ILDR2: variants seen among roughly 807,000 people sequenced by gnomAD.
The protein encoded by ILDR2 is immunoglobulin like domain containing receptor 2, also known as immunoglobulin-like domain-containing receptor 2.
A neutral mutation model predicts 66.8 loss-of-function variants in ILDR2; 25 were observed. That is an observed-to-expected ratio of 0.37 (90% CI 0.27 to 0.52). ILDR2 has a LOEUF of 0.52. Among genes scored for constraint, ILDR2 ranks in the 20% least tolerant of loss-of-function variants. The probability of loss-of-function intolerance (pLI) is 0.88; values close to 1 mark genes in which losing one functional copy is unlikely to be tolerated. For synonymous variants in ILDR2, 367 were observed against 357.2 expected, an observed-to-expected ratio of 1.03 and a Z score of -0.31; for missense variants, 827 against 876.8, an observed-to-expected ratio of 0.94 and a Z score of 0.72.
chr1:166,955,477 G>A (rs1201387333), intron 3 of ILDR2, among the ~76,000 whole-genome samples: 1 of 152,040 alleles, frequency 6.6e-6, no homozygotes, highest in African/African-American at 2.4e-5. Flanking sequence ...GGGCATGGTG[G>A]TACACGCCTG....
intron 3 of ILDR2, among the ~76,000 whole-genome samples, chr1:166,955,241 C>G (rs192937461): frequency 1.3e-5 from 2 of 152,230 alleles, no homozygotes; most frequent in East Asian, 1.9e-4. Flanking sequence ...ATATTGGACC[C>G]AAAGACTTTG....
intron 7 of ILDR2, among the ~76,000 whole-genome samples, chr1:166,925,534 G>A (rs564456310): frequency 6.6e-6 from 1 of 152,232 alleles, no homozygotes; most frequent in Admixed American, 6.5e-5. Context: ...TGTGGTCTCT[G>A]AACAGAATGG....
chr1:166,966,561 A>G (rs1662963857), intron 1 of ILDR2, among the ~76,000 whole-genome samples: 1 of 152,164 alleles, frequency 6.6e-6, no homozygotes. Context: ...AAATCTTGCT[A>G]TTCATCAAGC....
At chr1:166,920,433 T>G (rs1468492774) in intron 9 of ILDR2, among the ~76,000 whole-genome samples, 1 of 152,216 alleles carries the variant, frequency 6.6e-6, no homozygotes, top group Non-Finnish European at 1.5e-5. Flanking sequence ...TAATGCTCCC[T>G]GTAAAACCAT....
intron 1 of ILDR2, among the ~76,000 whole-genome samples, chr1:166,974,583 GCTTT>G (rs1394060200): frequency 6.6e-6 from 1 of 152,128 alleles, no homozygotes; most frequent in African/African-American, 2.4e-5. Context: ...AGGCTCTTCT[GCTTT>G]CTAATTATCA....
At position 166,918,271 on chromosome 1, in the gene ILDR2, G is replaced by A. The variant is rs536205926; in HGVS notation, c.*1084C>T. The stretch of plus-strand genomic sequence containing the variant: ...ATGCTGTATGTTCCACATCCCCCAT[G>A]TCCTAGAATGGCAGAACTGGGATGG... On this transcript the variant is annotated 3_prime_UTR_variant, in exon 10 of 10. Transcript: ENST00000271417. 3.3e-5 allele frequency: 5 copies of A among 152,196 alleles called. No homozygotes were observed. The highest frequency in any genetic ancestry group is 7.3e-5 in the Non-Finnish European group (5 of 68,040). 9.4% of individuals were successfully genotyped at this position (152,196 alleles called of 1,614,324 possible).
chr1:166,975,076 T>C, intron 1 of ILDR2, 147 bp downstream of exon 1: 1 of 622,942 alleles, frequency 1.6e-6, no homozygotes. Flanking sequence ...ACACACACGT[T>C]GCCCCCTCCC....
chr1:166,954,487 A>G (rs1198969309), intron 3 of ILDR2, among the ~76,000 whole-genome samples: 2 of 152,186 alleles, frequency 1.3e-5, no homozygotes, highest in East Asian at 3.9e-4. Flanking sequence ...GTTGCCCTAA[A>G]AAGTTTCCAT....
chr1:166,912,243 A>G lies in ILDR2; in HGVS notation c.*7112T>C, dbSNP rs891120815. 1.3e-5 allele frequency: 2 copies of G among 152,200 alleles called. No individual in the cohort carries two copies. Among genetic ancestry groups the G allele is most frequent in the East Asian group, 1.9e-4 (1 of 5,196 alleles). 9.4% of individuals were successfully genotyped at this position (152,200 alleles called of 1,614,324 possible). On this transcript the variant is annotated 3_prime_UTR_variant, in exon 10 of 10. Transcript: ENST00000271417. ...TTCAATGTCCTGAAAGAAAATAACT[A>G]TCAATCTAGAATCATAATCAGTGAA...
intron 3 of ILDR2, among the ~76,000 whole-genome samples, chr1:166,949,653 C>T (rs922077841): frequency 2.6e-5 from 4 of 152,176 alleles, no homozygotes; most frequent in Non-Finnish European, 5.9e-5. Context: ...TTTGAAGGAA[C>T]CACAAGCCCT....
chr1:166,935,845 A>G (rs1660943526), intron 5 of ILDR2, among the ~76,000 whole-genome samples: 1 of 152,206 alleles, frequency 6.6e-6, no homozygotes, highest in African/African-American at 2.4e-5. Flanking sequence ...GGGACTGCCC[A>G]GGGCTGCTTC....
chr1:166,950,700 A>T (rs16858232), intron 3 of ILDR2, among the ~76,000 whole-genome samples: 8 of 150,326 alleles, frequency 5.3e-5, no homozygotes, highest in African/African-American at 2.0e-4. Context: ...TTTCAGGCAC[A>T]GTATTGTGAA....
At position 166,920,855 on chromosome 1, in the gene ILDR2, G is replaced by A. The variant is rs1429220005; in HGVS notation, c.1736C>T (p.Ser579Leu). 5 of 1,508,994 alleles carry A rather than the reference G, an allele frequency of 3.3e-6. No individual in the cohort carries two copies. Among genetic ancestry groups the A allele is most frequent in the South Asian group, 1.2e-5 (1 of 80,790 alleles). 93.5% of individuals were successfully genotyped at this position (1,508,994 alleles called of 1,614,324 possible). A position where few individuals can be genotyped will look rare whatever the true frequency, so the allele number is the denominator to read the frequency against. ...GGACGCGTCCTCCTGGTCGTCCTGC[G>A]ACGAGCCGGCCTTGTAGGTGCCGGG... ...SPPGTYKAGS[S>L]QDDQEDASDD... Residue 579 changes from serine to leucine, a missense_variant, in exon 9 of 10, where the codon TCG (serine) becomes TTG (leucine). Physicochemically the swap from Ser to Leu is moderately radical, Grantham distance 145 (BLOSUM62 -2). Transcript: ENST00000271417.
At chr1:166,971,405 G>A (rs1663288821) in intron 1 of ILDR2, among the ~76,000 whole-genome samples, 1 of 152,184 alleles carries the variant, frequency 6.6e-6, no homozygotes, top group African/African-American at 2.4e-5. Context: ...CACAGCAGGG[G>A]TGTGGCTCTC....
chr1:166,943,036 C>T (rs892332173), intron 3 of ILDR2, among the ~76,000 whole-genome samples: 2 of 152,162 alleles, frequency 1.3e-5, no homozygotes, highest in African/African-American at 4.8e-5. Context: ...GAAGGTGAAG[C>T]CTTCCCATAA....
At chr1:166,934,492 C>T (rs180806185) in intron 6 of ILDR2, among the ~76,000 whole-genome samples, 16 of 152,310 alleles carry the variant, frequency 1.1e-4, no homozygotes, top group Admixed American at 6.5e-4. Flanking sequence ...AGCTCATGGT[C>T]TCTGGCTCTA....
chr1:166,942,928 A>AT (rs1287402602), intron 3 of ILDR2, among the ~76,000 whole-genome samples: 1 of 152,206 alleles, frequency 6.6e-6, no homozygotes, highest in African/African-American at 2.4e-5. Context: ...TGTATCAGAC[A>AT]TATGGACAGG....
intron 6 of ILDR2, among the ~76,000 whole-genome samples, chr1:166,932,715 T>C (rs1660707327): frequency 6.6e-6 from 1 of 152,220 alleles, no homozygotes; most frequent in Non-Finnish European, 1.5e-5. Flanking sequence ...CAACTGGCTA[T>C]ACTATACATA....
At chr1:166,947,782 G>A (rs1222418333) in intron 3 of ILDR2, among the ~76,000 whole-genome samples, 1 of 152,182 alleles carries the variant, frequency 6.6e-6, no homozygotes, top group Admixed American at 6.5e-5. Context: ...CGCCAGGAAT[G>A]CGCGCTAATT....
Sources: allele counts gnomAD v4.1 joint callset (sites outside exome capture counted in the v4.1 genomes callset), GRCh38; gene constraint gnomAD v4.1.1; transcripts MANE v1.5; gene names NCBI Gene and HGNC (gene_info 2026-07-23, HGNC 2026-07-21).